Variants in TARP observed in about 807,000 individuals in gnomAD.
the TARP span, chr7:38,265,205 A>T: frequency 1.5e-6 from 1 of 687,034 alleles, no homozygotes; most frequent in East Asian, 2.8e-5. Flanking sequence ...ATTCTATAGA[A>T]AAGTAGCAGG....
At chr7:38,266,915 A>G in the TARP span, among the ~76,000 whole-genome samples, 1 of 151,858 alleles carries the variant, frequency 6.6e-6, no homozygotes, top group Non-Finnish European at 1.5e-5. Context: ...TCTTGTGTTA[A>G]TCTTCTGCAG....
the TARP span, among the ~76,000 whole-genome samples, chr7:38,261,058 A>G: frequency 5.3e-4 from 80 of 151,914 alleles, no homozygotes; most frequent in African/African-American, 1.9e-3. Flanking sequence ...ATAACTGTGA[A>G]TCTGGTGTAA....
chr7:38,272,194 C>T, the TARP span, among the ~76,000 whole-genome samples: 1 of 150,740 alleles, frequency 6.6e-6, no homozygotes, highest in Non-Finnish European at 1.5e-5. Context: ...GGAGTCGATA[C>T]ATTTATCTGT....
At chr7:38,261,741 A>G in the TARP span, among the ~76,000 whole-genome samples, 1 of 150,764 alleles carries the variant, frequency 6.6e-6, no homozygotes, top group African/African-American at 2.5e-5. Flanking sequence ...GCATGGTGGC[A>G]CGCGCCTGTA....
chr7:38,263,632 A>G, the TARP span, among the ~76,000 whole-genome samples: 9 of 151,506 alleles, frequency 5.9e-5, no homozygotes, highest in East Asian at 1.7e-3. Context: ...AGTTGAATTT[A>G]TCTGTGATGT....
the TARP span, among the ~76,000 whole-genome samples, chr7:38,264,056 C>A: frequency 9.9e-5 from 15 of 151,892 alleles, no homozygotes; most frequent in Non-Finnish European, 1.8e-4. Context: ...ATAATAAAAT[C>A]TTCAAGTGTA....
chr7:38,270,779 C>T, the TARP span, among the ~76,000 whole-genome samples: 1 of 150,468 alleles, frequency 6.6e-6, no homozygotes, highest in Non-Finnish European at 1.5e-5. Flanking sequence ...GTCAGGATGC[C>T]CATAGCACTG....
At chr7:38,261,076 T>C in the TARP span, among the ~76,000 whole-genome samples, 2,278 of 151,850 alleles carry the variant, frequency 0.015, 171 homozygotes, top group Admixed American at 0.12. Context: ...TAATTATTCT[T>C]TGTTGGCTGA....
At chr7:38,264,613 T>A in the TARP span, among the ~76,000 whole-genome samples, 757 of 151,598 alleles carry the variant, frequency 5.0e-3, 2 homozygotes, top group Non-Finnish European at 7.5e-3. Flanking sequence ...GACTTTTTAC[T>A]TTTAGAATTT....
the TARP span, chr7:38,259,861 A>T: frequency 1.2e-5 from 6 of 489,330 alleles, no homozygotes; most frequent in Non-Finnish European, 2.2e-5. Context: ...GAAAACATGG[A>T]GAGATTGGTG....
chr7:38,267,343 G>A, the TARP span, among the ~76,000 whole-genome samples: 34 of 151,898 alleles, frequency 2.2e-4, no homozygotes, highest in Non-Finnish European at 3.1e-4. Flanking sequence ...GGTTATACAC[G>A]TATTTTTAAT....
chr7:38,268,581 C>T, the TARP span, among the ~76,000 whole-genome samples: 1 of 150,572 alleles, frequency 6.6e-6, no homozygotes, highest in Non-Finnish European at 1.5e-5. Context: ...AACTAATTGG[C>T]TATAAATCTT....
chr7:38,261,288 C>A, the TARP span, among the ~76,000 whole-genome samples: 6 of 151,530 alleles, frequency 4.0e-5, no homozygotes, highest in Admixed American at 4.0e-4. Flanking sequence ...TACATAAACT[C>A]TTTGTTTGAT....
chr7:38,262,294 T>C, the TARP span: 2 of 1,129,624 alleles, frequency 1.8e-6, no homozygotes, highest in Non-Finnish European at 2.6e-6. Flanking sequence ...ATAAAACCTG[T>C]CGACAGAGAG....
At chr7:38,265,462 C>T in the TARP span, 1 of 1,611,788 alleles carries the variant, frequency 6.2e-7, no homozygotes, top group South Asian at 1.1e-5. Context: ...CGTTAACCAG[C>T]TAAATTTCAT....
chr7:38,271,135 AT>A, the TARP span, among the ~76,000 whole-genome samples: 5 of 151,084 alleles, frequency 3.3e-5, no homozygotes, highest in Admixed American at 2.0e-4. Context: ...GTATATTTTA[AT>A]TTAGGTCTTC....
At chr7:38,270,912 C>T in the TARP span, among the ~76,000 whole-genome samples, 1 of 151,324 alleles carries the variant, frequency 6.6e-6, no homozygotes, top group Non-Finnish European at 1.5e-5. Context: ...AGTCTTTTTC[C>T]AATCTAGTAA....
At chr7:38,265,700 G>T in the TARP span, 2 of 1,486,684 alleles carry the variant, frequency 1.3e-6, no homozygotes, top group South Asian at 2.5e-5. Context: ...AATGAAATAT[G>T]AGTTTAAAAG....
At chr7:38,260,235 G>C in the TARP span, 1 of 1,553,902 alleles carries the variant, frequency 6.4e-7, no homozygotes, top group Non-Finnish European at 8.7e-7. Context: ...GTGTATCTAA[G>C]AGAAATTGCA....
Sources: gnomAD v4.1 joint callset for allele counts (sites outside exome capture counted in the v4.1 genomes callset) on GRCh38, gnomAD v4.1.1 for gene constraint, MANE v1.5 for transcripts.